The following TRIM35 variants were observed in gnomAD, a reference collection of about 807,000 sequenced individuals.
The protein encoded by TRIM35 is tripartite motif containing 35, also known as E3 ubiquitin-protein ligase TRIM35.
In TRIM35, 37 loss-of-function variants were observed where a neutral mutation model predicts 49.1. The ratio of observed to expected loss-of-function variants is 0.75; its 90% CI spans 0.58 to 0.99. TRIM35 has a LOEUF of 0.99. Among genes scored for constraint, TRIM35 ranks in the 50% least tolerant of loss-of-function variants. The pLI is 0.00. For synonymous variants in TRIM35, 302 were observed against 289.3 expected, an observed-to-expected ratio of 1.04 and a Z score of -0.45; for missense variants, 648 against 702.7, an observed-to-expected ratio of 0.92 and a Z score of 0.88.
At chr8:27,299,025 C>G (rs1586050504) in intron 1 of TRIM35, among the ~76,000 whole-genome samples, 1 of 152,144 alleles carries the variant, frequency 6.6e-6, no homozygotes, top group Admixed American at 6.5e-5. Flanking sequence ...GGGGGTGGAG[C>G]CAGTCATTTC....
At chr8:27,301,053 G>GAC (rs1480042298) in intron 1 of TRIM35, among the ~76,000 whole-genome samples, 5 of 152,134 alleles carry the variant, frequency 3.3e-5, no homozygotes, top group Non-Finnish European at 5.9e-5. Context: ...CAATCACTTG[G>GAC]AGAGTTCTGG....
intron 2 of TRIM35, among the ~76,000 whole-genome samples, chr8:27,297,958 G>T (rs775166753): frequency 1.3e-5 from 2 of 152,110 alleles, no homozygotes; most frequent in Non-Finnish European, 2.9e-5. Context: ...TTTTCTAAAC[G>T]ATCACCCCAG....
chr8:27,310,974 C>G lies in TRIM35; in HGVS notation c.262G>C (p.Glu88Gln). Residue 88 changes from glutamate (E) to glutamine (Q), a missense_variant, in exon 1 of 6, where the codon GAG becomes CAG. Physicochemically the swap from Glu to Gln is conservative, Grantham distance 29. Coordinates refer to ENST00000305364, the MANE Select transcript of TRIM35 (RefSeq NM_171982.5). ...LVEKLLREEA[E>Q]GARWTSYRFS... ...CGGTAGCTGGTCCAGCGCGCGCCCT[C>G]GGCCTCCTCGCGCAGCAGCTTCTCC... The G allele has an allele frequency of 6.2e-7, 1 of 1,612,202 alleles. No homozygotes were observed. The highest frequency in any genetic ancestry group is 8.5e-7 in the Non-Finnish European group (1 of 1,179,514).
intron 1 of TRIM35, among the ~76,000 whole-genome samples, chr8:27,301,629 T>C (rs1468300258): frequency 6.6e-6 from 1 of 152,234 alleles, no homozygotes; most frequent in Admixed American, 6.5e-5. Context: ...AGAGGTGTAA[T>C]GAATATTTTC....
chr8:27,289,202 C>A lies in TRIM35; in HGVS notation c.864G>T (p.Gln288His). The A allele has an allele frequency of 6.2e-7, 1 of 1,614,154 alleles. No individual in the cohort carries two copies. Among genetic ancestry groups the A allele is most frequent in the Middle Eastern group, 1.6e-4 (1 of 6,062 alleles). The change falls in exon 5 of 6, where the codon CAG (glutamine) becomes CAT (histidine). Residue 288 changes from glutamine to histidine, a missense_variant. By Grantham distance (24) the Gln-to-His change is conservative. Coordinates refer to ENST00000305364, the MANE Select transcript of TRIM35 (RefSeq NM_171982.5). ...IDVCKYLGSL[Q>H]YRVWKKMLAS... ...CAAGCATCTTCTTCCAGACGCGGTACTGCAGGGAGCCCAGGTACTTGCAGA... is the reference window on the plus strand; with the variant it reads ...CAAGCATCTTCTTCCAGACGCGGTAATGCAGGGAGCCCAGGTACTTGCAGA...
chr8:27,311,186 T>C lies in TRIM35; in HGVS notation c.50A>G (p.Glu17Gly). 1.9e-6 allele frequency: 3 copies of C among 1,602,202 alleles called. No individual in the cohort carries two copies. Among genetic ancestry groups the C allele is most frequent in the Non-Finnish European group, 2.6e-6 (3 of 1,173,848 alleles). The change falls in exon 1 of 6, where the codon GAG becomes GGG. Residue 17 changes from glutamate to glycine, a missense_variant. By Grantham distance (98) the Glu-to-Gly change is moderately conservative. Transcript: ENST00000305364. ...GTAGCAGACGGCGCAGAGCAACTCC[T>C]CCTTGAAGGAGCGGGAAGGCCCGGG... is the stretch of plus-strand genomic sequence containing the variant. ...VSPGPSRSFKEELLCAVCYDP... is the reference protein window; with the variant it reads ...VSPGPSRSFKGELLCAVCYDP...
At chr8:27,303,998 T>G (rs1436728995) in intron 1 of TRIM35, among the ~76,000 whole-genome samples, 2 of 152,286 alleles carry the variant, frequency 1.3e-5, no homozygotes, top group Non-Finnish European at 2.9e-5. Context: ...CCAGCCTACG[T>G]TAAAGATTAG....
intron 1 of TRIM35, among the ~76,000 whole-genome samples, chr8:27,302,585 T>G (rs1802701629): frequency 6.6e-6 from 1 of 152,156 alleles, no homozygotes; most frequent in South Asian, 2.1e-4. Flanking sequence ...TTGTTTTAAC[T>G]TTTTGTAGAG....
intron 3 of TRIM35, among the ~76,000 whole-genome samples, chr8:27,291,452 G>T (rs972684099): frequency 1.3e-5 from 2 of 152,132 alleles, no homozygotes; most frequent in Non-Finnish European, 2.9e-5. Flanking sequence ...ACTCCTGATG[G>T]GAATATAAAA....
rs576535227 is a variant in TRIM35 at position 27,287,944 on chromosome 8, C to G, written c.1088G>C (p.Gly363Ala). 2 of 1,613,094 alleles carry G rather than the reference C, an allele frequency of 1.2e-6. No homozygotes were observed. The highest frequency in any genetic ancestry group is 3.3e-5 in the Admixed American group (2 of 60,016). Residue 363 changes from glycine (G) to alanine (A), a missense_variant, in exon 6 of 6, where the codon GGG (glycine) becomes GCG (alanine). Physicochemically the swap from Gly to Ala is moderately conservative, Grantham distance 60. Transcript: ENST00000305364. This position sits in a 1 kb window ranked among gnomAD's most constrained non-coding sequence, Gnocchi z 6.0. ...GCCCACCCTCCAGCTCTGCAGCCCC[C>G]CAAGGGCCACCTCCCAGGCGTGCGA... ...QGSHAWEVAL[G>A]GLQSWRVGVV...
chr8:27,306,584 A>G (rs963014281), intron 1 of TRIM35, among the ~76,000 whole-genome samples: 1 of 152,044 alleles, frequency 6.6e-6, no homozygotes, highest in African/African-American at 2.4e-5. Context: ...TCGGCCTCCC[A>G]AAGTGCTGGG....
intron 3 of TRIM35, 115 bp from the exon 4 acceptor site, chr8:27,290,293 A>G: frequency 9.7e-7 from 1 of 1,035,302 alleles, no homozygotes; most frequent in Admixed American, 2.1e-5. Context: ...TAATATTGTC[A>G]AGATGTTAAC....
chr8:27,300,458 T>C (rs1802660452), intron 1 of TRIM35, among the ~76,000 whole-genome samples: 3 of 150,180 alleles, frequency 2.0e-5, no homozygotes, highest in African/African-American at 7.4e-5. Flanking sequence ...ATGAGACACC[T>C]TGAGGCAGAG....
chr8:27,307,760 G>C (rs1586057442), intron 1 of TRIM35, among the ~76,000 whole-genome samples: 1 of 152,222 alleles, frequency 6.6e-6, no homozygotes, highest in South Asian at 2.1e-4. Context: ...TACTTGCTCT[G>C]TGACTTTGGA....
chr8:27,311,229 G>C lies in TRIM35; in HGVS notation c.7C>G (p.Arg3Gly), dbSNP rs753008590. Residue 3 changes from arginine to glycine, a missense_variant, in exon 1 of 6, where the codon CGG becomes GGG. Transcript: ENST00000305364. ME[R>G]SPDVSPGPSR... Reference sequence around the variant, plus strand: ...GGCCCGGGGGACACGTCGGGACTCCGCTCCATGGCACGAGCAGCCGGCTCG... The same window carrying C: ...GGCCCGGGGGACACGTCGGGACTCCCCTCCATGGCACGAGCAGCCGGCTCG... 6.5e-7 allele frequency: 1 copy of C among 1,541,452 alleles called. No individual in the cohort carries two copies. The highest frequency in any genetic ancestry group is 8.8e-7 in the Non-Finnish European group (1 of 1,141,584).
At chr8:27,306,329 CTT>C (rs35352785) in intron 1 of TRIM35, among the ~76,000 whole-genome samples, 10 of 141,710 alleles carry the variant, frequency 7.1e-5, no homozygotes, top group Admixed American at 1.4e-4. Flanking sequence ...TTTTTTCTTT[CTT>C]TTTTTTTTTT....
chr8:27,310,236 A>G (rs1340235254), intron 1 of TRIM35, among the ~76,000 whole-genome samples: 4 of 152,204 alleles, frequency 2.6e-5, no homozygotes, highest in Non-Finnish European at 5.9e-5. Flanking sequence ...GTTTATGTAT[A>G]GTCACTAGAA....
At chr8:27,302,619 G>A (rs901217640) in intron 1 of TRIM35, among the ~76,000 whole-genome samples, 1 of 152,104 alleles carries the variant, frequency 6.6e-6, no homozygotes, top group Non-Finnish European at 1.5e-5. Flanking sequence ...TGTTGTGCAA[G>A]CTGGTCTGAA....
chr8:27,307,287 C>T (rs939336177), intron 1 of TRIM35, among the ~76,000 whole-genome samples: 1 of 152,098 alleles, frequency 6.6e-6, no homozygotes, highest in Admixed American at 6.5e-5. Flanking sequence ...CTCATCCCCA[C>T]GTGAACCATC....
Sources: allele counts gnomAD v4.1 joint callset (sites outside exome capture counted in the v4.1 genomes callset), GRCh38; gene constraint gnomAD v4.1.1; non-coding constraint Gnocchi (gnomAD v3.1); transcripts MANE v1.5; gene names NCBI Gene and HGNC (gene_info 2026-07-23, HGNC 2026-07-21).